Variants in ADCY3 observed in about 807,000 individuals in gnomAD.
The protein encoded by ADCY3 is adenylate cyclase type 3.
Under a neutral mutation model 119.4 loss-of-function variants are expected in ADCY3, and 70 were observed. That is an observed-to-expected ratio of 0.59 (90% CI 0.48 to 0.72). ADCY3 has a LOEUF of 0.72. Among genes scored for constraint, ADCY3 ranks in the 30% least tolerant of loss-of-function variants. ADCY3 has a pLI of 0.00. For missense variants in ADCY3, 1,238 were observed against 1,541.6 expected (o/e 0.80, Z 3.30); for synonymous variants, 672 against 621.4 (o/e 1.08, Z -1.21).
chr2:24,840,493 T>G, intron 6 of ADCY3: 1 of 444,160 alleles, frequency 2.3e-6, no homozygotes, highest in South Asian at 1.6e-5. Flanking sequence ...CACACTGCTT[T>G]CTTTCCAGGG....
intron 20 of ADCY3, chr2:24,821,100 C>T: frequency 2.0e-6 from 1 of 510,236 alleles, no homozygotes; most frequent in Non-Finnish European, 3.4e-6. Context: ...GCTTCTAACA[C>T]AGCTGGTATT....
intron 2 of ADCY3, among the ~76,000 whole-genome samples, chr2:24,901,791 AAAG>A (rs1295642972): frequency 4.0e-5 from 6 of 151,666 alleles, no homozygotes; most frequent in Non-Finnish European, 4.4e-5. Flanking sequence ...AAAAAAAAAA[AAAG>A]AAGAAGGAAA....
At chr2:24,866,050 T>G (rs1674243889) in intron 3 of ADCY3, among the ~76,000 whole-genome samples, 1 of 152,234 alleles carries the variant, frequency 6.6e-6, no homozygotes, top group South Asian at 2.1e-4. Context: ...CTGTACACTA[T>G]TACCCTTTAG....
chr2:24,885,030 T>C (rs769335752), intron 2 of ADCY3, among the ~76,000 whole-genome samples: 7 of 152,240 alleles, frequency 4.6e-5, no homozygotes, highest in Non-Finnish European at 1.0e-4. Flanking sequence ...GGAAGGACCA[T>C]GGCAGGTCAT....
chr2:24,910,048 T>C (rs554315354), intron 2 of ADCY3, among the ~76,000 whole-genome samples: 2 of 152,240 alleles, frequency 1.3e-5, no homozygotes, highest in Non-Finnish European at 2.9e-5. Context: ...AAAGGCTTCT[T>C]AGAACTTGCC....
intron 11 of ADCY3, 95 bp from the exon 12 acceptor site, chr2:24,831,844 CCAGGGGACAGCGGACAGGGGG>C (rs1188720836): frequency 1.4e-5 from 9 of 665,400 alleles, no homozygotes; most frequent in South Asian, 8.6e-5. Context: ...GGGGCAGGGG[CCAGGGGACAGCGGACAGGGGG>C]CAGGGGACAG....
At chr2:24,846,243 C>T (rs1037182674) in intron 3 of ADCY3, among the ~76,000 whole-genome samples, 1 of 152,196 alleles carries the variant, frequency 6.6e-6, no homozygotes, top group Non-Finnish European at 1.5e-5. Flanking sequence ...TCCACCGACA[C>T]CTTGGCACCA....
intron 2 of ADCY3, among the ~76,000 whole-genome samples, chr2:24,893,243 T>C (rs1677907819): frequency 6.6e-6 from 1 of 152,142 alleles, no homozygotes; most frequent in Admixed American, 6.6e-5. Flanking sequence ...TGGTGGCTCA[T>C]GCCTGTAGTC....
At chr2:24,820,180 G>T in intron 21 of ADCY3, 66 bp from the exon 22 acceptor site, 1 of 1,250,100 alleles carries the variant, frequency 8.0e-7, no homozygotes, top group Non-Finnish European at 1.1e-6. Flanking sequence ...GCGGGTGGGG[G>T]CTTTGGGTGG....
At chr2:24,857,701 C>T (rs36071142) in intron 3 of ADCY3, among the ~76,000 whole-genome samples, 48,602 of 152,070 alleles carry the variant, frequency 0.32, 7,936 homozygotes, top group South Asian at 0.4. Context: ...GCGGAGGGTT[C>T]GTATCTGTGA....
chr2:24,913,183 T>C (rs1664007315), intron 2 of ADCY3, among the ~76,000 whole-genome samples: 2 of 152,238 alleles, frequency 1.3e-5, no homozygotes, highest in Admixed American at 6.5e-5. Context: ...GCCTGCTTCC[T>C]GAAGGCTGAA....
intron 3 of ADCY3, among the ~76,000 whole-genome samples, chr2:24,867,175 A>G (rs1343960114): frequency 6.6e-6 from 1 of 152,208 alleles, no homozygotes; most frequent in East Asian, 1.9e-4. Flanking sequence ...CCACAGGAAA[A>G]AGTATGCATT....
intron 11 of ADCY3, chr2:24,832,141 C>T (rs1024852786): frequency 3.6e-5 from 8 of 219,876 alleles, no homozygotes; most frequent in African/African-American, 1.4e-4. Context: ...CAGCTCCACG[C>T]GGTGCCAGGG....
intron 14 of ADCY3, 25 bp downstream of exon 14, chr2:24,827,877 G>T (rs766839931): frequency 8.1e-6 from 13 of 1,612,910 alleles, no homozygotes; most frequent in Non-Finnish European, 9.3e-6. Context: ...AGACAATACA[G>T]ATCCCCAGTC....
chr2:24,836,085 T>C (rs1670295553), intron 9 of ADCY3, among the ~76,000 whole-genome samples: 1 of 152,180 alleles, frequency 6.6e-6, no homozygotes, highest in South Asian at 2.1e-4. Context: ...AACCTGTTCC[T>C]GAAGCAGATC....
intron 3 of ADCY3, among the ~76,000 whole-genome samples, chr2:24,854,070 G>A (rs1672720506): frequency 6.6e-6 from 1 of 152,188 alleles, no homozygotes; most frequent in Admixed American, 6.5e-5. Flanking sequence ...GACTGCACCT[G>A]TTCAGGCTGT....
At chr2:24,890,456 G>A (rs780309347) in intron 2 of ADCY3, among the ~76,000 whole-genome samples, 5 of 152,160 alleles carry the variant, frequency 3.3e-5, no homozygotes, top group Non-Finnish European at 5.9e-5. Context: ...TGAGGCTGGG[G>A]TTTCCTTTGT....
chr2:24,905,667 C>T (rs1679373898), intron 2 of ADCY3, among the ~76,000 whole-genome samples: 1 of 152,168 alleles, frequency 6.6e-6, no homozygotes, highest in South Asian at 2.1e-4. Flanking sequence ...CTCTTCCCTC[C>T]CTTGTGGTTG....
In ADCY3 at chr2:24,823,341, C is replaced by G. The variant is rs1668064099; in HGVS notation, c.2751G>C (p.Gln917His). The G allele has an allele frequency of 1.2e-6, 2 of 1,612,776 alleles. No homozygotes were observed. Among genetic ancestry groups the G allele is most frequent in the Admixed American group, 1.7e-5 (1 of 59,682 alleles). The part of the protein sequence containing the change: ...SKKRDEELYS[Q>H]TYDEIGVMFA... Reference sequence around the variant, plus strand: ...ACATGACTCCAATCTCATCATACGTCTGGCTATACAGCTCCTAAAAAGAGG... The same window carrying G: ...ACATGACTCCAATCTCATCATACGTGTGGCTATACAGCTCCTAAAAAGAGG... The change falls in exon 18 of 22, where the codon CAG becomes CAC. Residue 917 changes from glutamine (Q) to histidine (H), a missense_variant. Gln to His is a conservative substitution (Grantham distance 24, BLOSUM62 0). Around this residue, in one of 7 missense-constraint regions of ADCY3, gnomAD observed 499 missense variants for 571.0 expected, o/e 0.87. Coordinates refer to ENST00000679454, the MANE Select transcript of ADCY3 (RefSeq NM_004036.5).
Sources: gnomAD v4.1 joint callset for allele counts (sites outside exome capture counted in the v4.1 genomes callset) on GRCh38, gnomAD v4.1.1 for gene constraint, gnomAD v4.1.1 regional missense constraint, MANE v1.5 for transcripts, NCBI Gene and HGNC (gene_info 2026-07-23, HGNC 2026-07-21) for gene names.